PBX3: variants seen among roughly 807,000 people sequenced by gnomAD.
The protein encoded by PBX3 is PBX homeobox 3.
A neutral mutation model predicts 48.5 loss-of-function variants in PBX3; 14 were observed. That is an observed-to-expected ratio of 0.29 (90% CI 0.19 to 0.45). PBX3 has a LOEUF of 0.45. Ranked by LOEUF, PBX3 falls within the 20% of genes least tolerant of loss-of-function variation. The probability of loss-of-function intolerance (pLI) is 1.00; values close to 1 mark genes in which losing one functional copy is unlikely to be tolerated. For missense variants in PBX3, 386 were observed against 546.7 expected, an observed-to-expected ratio of 0.71 and a Z score of 2.93; for synonymous variants, 210 against 200.3, an observed-to-expected ratio of 1.05 and a Z score of -0.41.
chr9:125,791,895 A>G (rs1318878044), intron 2 of PBX3, among the ~76,000 whole-genome samples: 1 of 151,966 alleles, frequency 6.6e-6, no homozygotes, highest in Non-Finnish European at 1.5e-5. Flanking sequence ...TCTCAAAAAA[A>G]AAAAAAAGTT....
At chr9:125,847,487 T>G (rs181571277) in intron 2 of PBX3, among the ~76,000 whole-genome samples, 7 of 152,106 alleles carry the variant, frequency 4.6e-5, no homozygotes, top group Admixed American at 3.3e-4. Context: ...TCCAATGTAT[T>G]AAATTTATAA....
intron 2 of PBX3, among the ~76,000 whole-genome samples, chr9:125,854,734 T>C (rs918203034): frequency 2.6e-5 from 4 of 152,202 alleles, no homozygotes; most frequent in African/African-American, 7.2e-5. Context: ...TTAAGACTTA[T>C]AAGCATTGCA....
chr9:125,832,270 A>T (rs1019290402), intron 2 of PBX3, among the ~76,000 whole-genome samples: 2 of 151,214 alleles, frequency 1.3e-5, no homozygotes, highest in Admixed American at 1.3e-4. Flanking sequence ...ATCTCGGCTG[A>T]CTGCAAGCTC....
chr9:125,774,362 C>G (rs1306091828), intron 2 of PBX3, among the ~76,000 whole-genome samples: 1 of 152,210 alleles, frequency 6.6e-6, no homozygotes, highest in Non-Finnish European at 1.5e-5. Context: ...TGGTTGAGGA[C>G]ACAGATCCAA....
At chr9:125,774,148 A>G (rs776006687) in intron 2 of PBX3, among the ~76,000 whole-genome samples, 1 of 152,208 alleles carries the variant, frequency 6.6e-6, no homozygotes, top group Non-Finnish European at 1.5e-5. Flanking sequence ...GTGAAGGGGA[A>G]GCCAGCGTGT....
At chr9:125,817,815 A>T (rs893932321) in intron 2 of PBX3, among the ~76,000 whole-genome samples, 2 of 152,214 alleles carry the variant, frequency 1.3e-5, no homozygotes, top group Non-Finnish European at 2.9e-5. Context: ...TTAGATTTTT[A>T]AAAAATTGCG....
intron 2 of PBX3, among the ~76,000 whole-genome samples, chr9:125,910,952 C>T (rs1841190467): frequency 6.6e-6 from 1 of 151,848 alleles, no homozygotes; most frequent in African/African-American, 2.4e-5. Flanking sequence ...TTCTGTTGGC[C>T]TTTTTTTCAT....
intron 2 of PBX3, among the ~76,000 whole-genome samples, chr9:125,816,341 G>C (rs1838462254): frequency 6.6e-6 from 1 of 152,056 alleles, no homozygotes; most frequent in Admixed American, 6.6e-5. Flanking sequence ...CCTATCAGAG[G>C]GAAACTGGAA....
chr9:125,948,890 C>T (rs1842127305), intron 5 of PBX3, among the ~76,000 whole-genome samples: 1 of 152,082 alleles, frequency 6.6e-6, no homozygotes. Flanking sequence ...ACTCAGCCTC[C>T]CAAGTAGCTA....
chr9:125,914,288 G>C (rs1426066026), intron 2 of PBX3, among the ~76,000 whole-genome samples: 1 of 152,020 alleles, frequency 6.6e-6, no homozygotes, highest in Admixed American at 6.5e-5. Context: ...TTTAAATTAT[G>C]GTGAGTTAGT....
At chr9:125,752,857 T>C (rs1038881402) in intron 2 of PBX3, among the ~76,000 whole-genome samples, 2 of 152,356 alleles carry the variant, frequency 1.3e-5, no homozygotes, top group Admixed American at 6.5e-5. Flanking sequence ...TATCATCTTT[T>C]GTTTCAAGTT....
At chr9:125,952,269 C>G (rs1179214378) in intron 5 of PBX3, among the ~76,000 whole-genome samples, 1 of 152,182 alleles carries the variant, frequency 6.6e-6, no homozygotes, top group Non-Finnish European at 1.5e-5. Flanking sequence ...GTTTTAGTGT[C>G]AGCTGCTTCT....
intron 2 of PBX3, among the ~76,000 whole-genome samples, chr9:125,839,456 AAG>A (rs1839227916): frequency 6.6e-6 from 1 of 152,206 alleles, no homozygotes; most frequent in South Asian, 2.1e-4. Flanking sequence ...GTTCCAAAGA[AAG>A]AGGAAGGAAA....
intron 2 of PBX3, among the ~76,000 whole-genome samples, chr9:125,880,109 ATC>A (rs1840347124): frequency 6.6e-6 from 1 of 152,200 alleles, no homozygotes; most frequent in African/African-American, 2.4e-5. Context: ...CAGTGGTGCA[ATC>A]TCGGCTCACT....
chr9:125,953,276 A>G (rs2118775425), intron 5 of PBX3, among the ~76,000 whole-genome samples: 1 of 152,262 alleles, frequency 6.6e-6, no homozygotes, highest in South Asian at 2.1e-4. Flanking sequence ...CAGGAGTTCA[A>G]GAATACCCTG....
intron 2 of PBX3, among the ~76,000 whole-genome samples, chr9:125,888,111 G>T (rs1043187724): frequency 6.6e-6 from 1 of 152,106 alleles, no homozygotes; most frequent in African/African-American, 2.4e-5. Context: ...GCATTTAGAC[G>T]TAAAAGAAAT....
intron 2 of PBX3, among the ~76,000 whole-genome samples, chr9:125,817,265 G>A (rs1287906009): frequency 1.3e-5 from 2 of 152,172 alleles, no homozygotes; most frequent in Non-Finnish European, 2.9e-5. Flanking sequence ...ACACAGATTT[G>A]TTGTTTACTT....
intron 2 of PBX3, among the ~76,000 whole-genome samples, chr9:125,822,983 TAA>T (rs201653798): frequency 1.6e-4 from 22 of 137,222 alleles, no homozygotes; most frequent in South Asian, 2.3e-4. Context: ...GCTAAGTAGC[TAA>T]AAAAAAAAAA....
In PBX3 at chr9:125,783,739, C is replaced by T. The variant is rs555336018; in HGVS notation, c.274+35116C>T. 9.2e-5 allele frequency among the ~76,000 whole-genome samples: 14 copies of T among 152,196 alleles called. No homozygotes were observed. The South Asian group carries it at 2.9e-3, about 32-fold the overall frequency. ...TGGGCCGGGAGCAGCAGCTTCATGCCTGTAATCCCAGCACTTTGAGAGGCT... is the reference window on the plus strand; with the variant it reads ...TGGGCCGGGAGCAGCAGCTTCATGCTTGTAATCCCAGCACTTTGAGAGGCT... On this transcript the variant is annotated intron_variant, in intron 2 of 8. Coordinates refer to ENST00000373489, the MANE Select transcript of PBX3 (RefSeq NM_006195.6).
Sources: allele counts gnomAD v4.1 joint callset (sites outside exome capture counted in the v4.1 genomes callset), GRCh38; gene constraint gnomAD v4.1.1; transcripts MANE v1.5; gene names NCBI Gene and HGNC (gene_info 2026-07-23, HGNC 2026-07-21).